SCN4A: variants seen among roughly 807,000 people sequenced by gnomAD.
SCN4A encodes the protein sodium voltage-gated channel alpha subunit 4.
SCN4A carries 83 observed loss-of-function variants against 162.0 expected under a neutral mutation model. The observed-to-expected ratio is 0.51, with a 90% CI of 0.43 to 0.61. SCN4A has a LOEUF of 0.61. Among genes scored for constraint, SCN4A ranks in the 20% least tolerant of loss-of-function variants. The pLI, the probability that SCN4A is intolerant of heterozygous loss-of-function variation, is 0.00. For missense variants in SCN4A, 2,196 were observed against 2,462.5 expected, an observed-to-expected ratio of 0.89 and a Z score of 2.29; for synonymous variants, 944 against 985.1, an observed-to-expected ratio of 0.96 and a Z score of 0.78.
rs748718886 is a variant in SCN4A at position 63,941,643 on chromosome 17, T to G, written c.4639A>C (p.Asn1547His). ...GWDGLLNPIL[N>H]SGPPDCDPNL... ...GGGTCACAGTCTGGGGGCCCGCTGTTGAGGATGGGGTTGAGGAGCCCGTCC... is the reference window on the plus strand; with the variant it reads ...GGGTCACAGTCTGGGGGCCCGCTGTGGAGGATGGGGTTGAGGAGCCCGTCC... The change falls in exon 24 of 24, where the codon AAC (asparagine) becomes CAC (histidine). Residue 1547 changes from asparagine (N) to histidine (H), a missense_variant. Asn to His is a moderately conservative substitution (Grantham distance 68). Transcript: ENST00000435607. The surrounding 1 kb of genome is among the most constrained non-coding windows in gnomAD (Gnocchi z 6.2). The G allele has an allele frequency of 5.0e-6, 8 of 1,613,882 alleles. No homozygotes were observed. Among genetic ancestry groups the G allele is most frequent in the Non-Finnish European group, 5.1e-6 (6 of 1,179,914 alleles).
rs73326338 is a variant in SCN4A, at chr17:63,950,080, G to T, written c.2854-552C>A. 0.027 allele frequency among the ~76,000 whole-genome samples: 4,101 copies of T among 152,216 alleles called. 186 individuals are homozygous for T. Among genetic ancestry groups the T allele is most frequent in the African/African-American group, 0.093 (3,844 of 41,512 alleles). On this transcript the variant is annotated intron_variant, in intron 14 of 23. Coordinates refer to ENST00000435607, the MANE Select transcript of SCN4A (RefSeq NM_000334.4). The surrounding 1 kb of genome is among the most constrained non-coding windows in gnomAD (Gnocchi z 4.6). Reference sequence around the variant, plus strand: ...CCTGATCAGTGTTGGGAGCGGGAGTGGGGGAGGCGGGTGCTCCAGCCGGGC... The same window carrying T: ...CCTGATCAGTGTTGGGAGCGGGAGTTGGGGAGGCGGGTGCTCCAGCCGGGC...
chr17:63,956,122 G>C (rs1232713198), intron 13 of SCN4A, among the ~76,000 whole-genome samples: 2 of 152,224 alleles, frequency 1.3e-5, no homozygotes, highest in Admixed American at 1.3e-4. Context: ...CTATACCCTG[G>C]CTCTCACCTC....
At chr17:63,943,208 A>AG (rs1908602982) in intron 22 of SCN4A, 112 bp from the exon 23 acceptor site, 5 of 272,092 alleles carry the variant, frequency 1.8e-5, no homozygotes, top group Non-Finnish European at 1.7e-5. Flanking sequence ...GATGACAGAG[A>AG]TGACAGAGAG....
In SCN4A at chr17:63,943,986, T is replaced by A. The variant is rs969234272; in HGVS notation, c.3913-136A>T. 8.0e-6 allele frequency: 5 copies of A among 628,190 alleles called. No individual in the cohort carries two copies. The Admixed American group carries it at 1.3e-4, about 16-fold the overall frequency. The allele number at this position is 628,190 out of a possible 1,614,324, so 38.9% of individuals were successfully genotyped here. A position where few individuals can be genotyped will look rare whatever the true frequency, so the allele number is the denominator to read the frequency against. ...GATCAGCCTGGAGGAAGCGGGAGGGTCAGAGATGGAGGGACAAGGGGAGAA... is the reference window on the plus strand; with the variant it reads ...GATCAGCCTGGAGGAAGCGGGAGGGACAGAGATGGAGGGACAAGGGGAGAA... On this transcript the variant is annotated intron_variant, in intron 21 of 23. Coordinates refer to ENST00000435607, the MANE Select transcript of SCN4A (RefSeq NM_000334.4).
intron 10 of SCN4A, among the ~76,000 whole-genome samples, chr17:63,962,282 C>A (rs974727752): frequency 1.3e-5 from 2 of 152,216 alleles, no homozygotes; most frequent in African/African-American, 4.8e-5. Context: ...AGACAGATCC[C>A]TCGGGGATGC....
At chr17:63,954,388 T>A (rs993156692) in intron 13 of SCN4A, among the ~76,000 whole-genome samples, 1 of 152,060 alleles carries the variant, frequency 6.6e-6, no homozygotes, top group Non-Finnish European at 1.5e-5. Flanking sequence ...GGGGGAGGCA[T>A]CCAGTTGCCA....
intron 8 of SCN4A, among the ~76,000 whole-genome samples, chr17:63,965,498 CT>C (rs1390730946): frequency 2.0e-5 from 3 of 150,274 alleles, no homozygotes; most frequent in African/African-American, 4.9e-5. Flanking sequence ...TTCTGTCTTT[CT>C]TTTTTTTCAG....
At position 63,971,205 on chromosome 17, in the gene SCN4A, G is replaced by T; in HGVS notation, c.660C>A (p.Thr220=). ...VDLGNISALR[T]FRVLRALKTI... ...TTTTGAGGGCCCGCAGCACCCGGAAGGTCCTCAGGGCTGAGATGTTGCCCA... is the reference window on the plus strand; with the variant it reads ...TTTTGAGGGCCCGCAGCACCCGGAATGTCCTCAGGGCTGAGATGTTGCCCA... Residue 220 remains threonine, a synonymous_variant, in exon 5 of 24, where the codon ACC becomes ACA. Coordinates refer to ENST00000435607, the MANE Select transcript of SCN4A (RefSeq NM_000334.4). The T allele has an allele frequency of 6.4e-7, 1 of 1,567,128 alleles. No homozygotes were observed. Among genetic ancestry groups the T allele is most frequent in the East Asian group, 2.4e-5 (1 of 42,458 alleles).
rs763191025 is a variant in SCN4A, at chr17:63,961,177, C to T, written c.1845+16G>A. 9.6e-6 allele frequency: 11 copies of T among 1,146,426 alleles called. 1 individual carries two copies. Among genetic ancestry groups the T allele is most frequent in the Middle Eastern group, 2.1e-4 (1 of 4,760 alleles). 71.0% of individuals were successfully genotyped at this position (1,146,426 alleles called of 1,614,324 possible). ...CATCCTGCCCATGAATGATCCCCTC[C>T]CCCGCCCCTCCCTACCAGGTTGCCC... On this transcript the variant is annotated intron_variant, in intron 11 of 23. Coordinates refer to ENST00000435607, the MANE Select transcript of SCN4A (RefSeq NM_000334.4).
chr17:63,953,787 G>A (rs1908989463), intron 13 of SCN4A, among the ~76,000 whole-genome samples: 2 of 152,132 alleles, frequency 1.3e-5, no homozygotes, highest in Non-Finnish European at 2.9e-5. Context: ...TTTTATAGAT[G>A]AGTAAACTGA....
At position 63,944,582 on chromosome 17, in the gene SCN4A, C is replaced by A; in HGVS notation, c.3912+91G>T. 1 of 1,409,036 alleles carries A rather than the reference C, an allele frequency of 7.1e-7. No homozygotes were observed. The allele number at this position is 1,409,036 out of a possible 1,614,324, so 87.3% of individuals were successfully genotyped here. A position where few individuals can be genotyped will look rare whatever the true frequency, so the allele number is the denominator to read the frequency against. ...AACAACCTGGTAGGTGCTCAGGCAG[C>A]GTTTGTGGGTTTGTGCAATGGAGAG... On this transcript the variant is annotated intron_variant, in intron 21 of 23. Transcript: ENST00000435607. The surrounding 1 kb of genome is among the most constrained non-coding windows in gnomAD (Gnocchi z 4.3).
rs771576103 is a variant in SCN4A, at chr17:63,940,822, G to T, written c.5460C>A (p.Ala1820=). 6.2e-7 allele frequency: 1 copy of T among 1,605,440 alleles called. No homozygotes were observed. Among genetic ancestry groups the T allele is most frequent in the Non-Finnish European group, 8.5e-7 (1 of 1,174,302 alleles). ...ISPSDTAWPP[A]PPPGQTVRPG... is the part of the protein sequence containing the mutation. ...GGCGCACAGTCTGCCCTGGGGGAGG[G>T]GCGGGAGGCCAGGCAGTGTCTGAGG... Residue 1820 remains alanine, a synonymous_variant, in exon 24 of 24, where the codon GCC becomes GCA. Coordinates refer to ENST00000435607, the MANE Select transcript of SCN4A (RefSeq NM_000334.4).
chr17:63,967,396 G>C (rs1909482743), intron 6 of SCN4A, among the ~76,000 whole-genome samples: 1 of 151,984 alleles, frequency 6.6e-6, no homozygotes, highest in South Asian at 2.1e-4. Context: ...CAGGTGATCT[G>C]CCTGCCTCGC....
At chr17:63,959,026 G>T (rs565643088) in intron 12 of SCN4A, among the ~76,000 whole-genome samples, 1 of 152,186 alleles carries the variant, frequency 6.6e-6, no homozygotes, top group Non-Finnish European at 1.5e-5. Context: ...ATCAAACCCA[G>T]TGTTGGCCTC....
chr17:63,948,343 C>A (rs1324187114), intron 16 of SCN4A, among the ~76,000 whole-genome samples: 1 of 152,166 alleles, frequency 6.6e-6, no homozygotes, highest in Non-Finnish European at 1.5e-5. Context: ...CAGTCCTGCG[C>A]CCCCAGTTCC....
intron 8 of SCN4A, 79 bp from the exon 9 acceptor site, chr17:63,964,756 A>C: frequency 8.9e-7 from 1 of 1,129,414 alleles, no homozygotes; most frequent in Non-Finnish European, 1.3e-6. Context: ...CCATACATCC[A>C]TTGCCCGCAT....
At chr17:63,954,397 C>T (rs1048107936) in intron 13 of SCN4A, among the ~76,000 whole-genome samples, 2 of 152,114 alleles carry the variant, frequency 1.3e-5, no homozygotes, top group Non-Finnish European at 2.9e-5. Flanking sequence ...ATCCAGTTGC[C>T]AGAAACACAT....
Position 63,957,226 on chromosome 17 carries a change from T to C in SCN4A, c.2312A>G (p.Glu771Gly), listed in dbSNP as rs902807674. ...EWIETMWDCM[E>G]VAGQAMCLTV... The stretch of plus-strand genomic sequence containing the variant: ...GAGGCACATGGCTTGGCCGGCCACC[T>C]CCATGCAGTCCCACATGGTCTCGAT... The change falls in exon 13 of 24, where the codon GAG becomes GGG. Residue 771 changes from glutamate to glycine, a missense_variant. By Grantham distance (98) the Glu-to-Gly change is moderately conservative. Coordinates refer to ENST00000435607, the MANE Select transcript of SCN4A (RefSeq NM_000334.4). The C allele has an allele frequency of 6.2e-7, 1 of 1,606,654 alleles. No individual in the cohort carries two copies. The highest frequency in any genetic ancestry group is 8.5e-7 in the Non-Finnish European group (1 of 1,173,828).
At position 63,941,961 on chromosome 17, in the gene SCN4A, A is replaced by T. The variant is rs1908552937; in HGVS notation, c.4321T>A (p.Phe1441Ile). The part of the protein sequence containing the change: ...LALSDLIQKY[F>I]VSPTLFRVIR... ...ACACGGAACAGCGTGGGTGACACGA[A>T]GTACTTCTGGATCAGGTCAGAGAGG... The change falls in exon 24 of 24, where the codon TTC becomes ATC. Residue 1441 changes from phenylalanine to isoleucine, a missense_variant. Transcript: ENST00000435607. The surrounding 1 kb of genome is among the most constrained non-coding windows in gnomAD (Gnocchi z 6.2). 6.3e-7 allele frequency: 1 copy of T among 1,592,830 alleles called. No individual in the cohort carries two copies. Among genetic ancestry groups the T allele is most frequent in the Non-Finnish European group, 8.6e-7 (1 of 1,166,506 alleles).
Sources: gnomAD v4.1 joint callset for allele counts (sites outside exome capture counted in the v4.1 genomes callset) on GRCh38, gnomAD v4.1.1 for gene constraint, Gnocchi (gnomAD v3.1) non-coding constraint, MANE v1.5 for transcripts, NCBI Gene and HGNC (gene_info 2026-07-23, HGNC 2026-07-21) for gene names.